PAK6: variants seen among roughly 807,000 people sequenced by gnomAD.
The protein encoded by PAK6 is serine/threonine-protein kinase PAK 6.
In PAK6, 33 loss-of-function variants were observed where a neutral mutation model predicts 60.8. The ratio of observed to expected loss-of-function variants is 0.54; its 90% CI spans 0.41 to 0.73. The LOEUF (loss-of-function observed/expected upper bound fraction) is 0.73, where lower values mean the gene tolerates loss of function less well. Among genes scored for constraint, PAK6 ranks in the 30% least tolerant of loss-of-function variants. PAK6 has a pLI of 0.00. For missense variants in PAK6, 845 were observed against 904.1 expected, an observed-to-expected ratio of 0.93 and a Z score of 0.84; for synonymous variants, 404 against 378.5, an observed-to-expected ratio of 1.07 and a Z score of -0.78.
intron 2 of PAK6, among the ~76,000 whole-genome samples, chr15:40,247,758 G>C (rs76685399): frequency 0.043 from 6,507 of 152,260 alleles, 247 homozygotes; most frequent in East Asian, 0.15. Flanking sequence ...GCTACCCCCT[G>C]GCGCTGGGCT....
chr15:40,252,580 C>T (rs753548560), intron 2 of PAK6: 1 of 1,358,540 alleles, frequency 7.4e-7, no homozygotes, highest in African/African-American at 1.5e-5. Context: ...GGCGCTGCAC[C>T]AACGTGTAAG....
rs17669605 is a variant in PAK6 at position 40,271,132 on chromosome 15, C to A, written c.859-1092C>A. ...TTCCTAGAAGGCTTTTTCTGCATCC[C>A]CTGAAGCATCCCTCTCCAGGTGCCC... On this transcript the variant is annotated intron_variant, in intron 5 of 10. Transcript: ENST00000560346. Among the ~76,000 whole-genome samples, 33 of 152,302 alleles carry A rather than the reference C, an allele frequency of 2.2e-4. 1 individual carries two copies. The East Asian group carries it at 6.2e-3, about 28-fold the overall frequency.
At chr15:40,261,122 T>C (rs1430258967) in intron 3 of PAK6, among the ~76,000 whole-genome samples, 2 of 151,780 alleles carry the variant, frequency 1.3e-5, no homozygotes, top group Admixed American at 6.6e-5. Flanking sequence ...TCTCCTGACC[T>C]CGTGATTCGC....
At chr15:40,271,950 G>A (rs1013631363) in intron 5 of PAK6, among the ~76,000 whole-genome samples, 4 of 152,208 alleles carry the variant, frequency 2.6e-5, no homozygotes, top group Non-Finnish European at 5.9e-5. Context: ...CGGGGAGCTG[G>A]CCTTCTCTGT....
At chr15:40,258,113 A>T (rs1337680924) in intron 3 of PAK6, among the ~76,000 whole-genome samples, 3 of 152,162 alleles carry the variant, frequency 2.0e-5, no homozygotes, top group Non-Finnish European at 2.9e-5. Context: ...TGCTGAGTGG[A>T]AAAACACCTG....
chr15:40,261,623 A>G (rs2038988448), intron 3 of PAK6, among the ~76,000 whole-genome samples: 1 of 152,090 alleles, frequency 6.6e-6, no homozygotes, highest in African/African-American at 2.4e-5. Context: ...ATTCTCCCGC[A>G]TTTTCTACTT....
chr15:40,277,460 TTTAAA>T (rs1348032982), exon 11 of PAK6: 1 of 152,508 alleles, frequency 6.6e-6, no homozygotes, highest in African/African-American at 2.4e-5. Flanking sequence ...TTGTGCCTGT[TTTAAA>T]TTAAATTGAG....
intron 2 of PAK6, among the ~76,000 whole-genome samples, chr15:40,248,419 G>A (rs543681887): frequency 1.1e-3 from 170 of 152,278 alleles, no homozygotes; most frequent in Middle Eastern, 6.8e-3. Context: ...AGTGGGCAGC[G>A]ACCCCTCTAG....
intron 3 of PAK6, among the ~76,000 whole-genome samples, chr15:40,258,279 G>C (rs1439670245): frequency 2.0e-5 from 3 of 152,218 alleles, no homozygotes; most frequent in Admixed American, 2.0e-4. Context: ...GCCCGTTTCT[G>C]TTCATAAAGA....
chr15:40,276,088 C>T, exon 11 of PAK6: 1 of 1,613,590 alleles, frequency 6.2e-7, no homozygotes, highest in Middle Eastern at 1.7e-4. Flanking sequence ...AGACCTCCAC[C>T]TGCTGAGCCC....
chr15:40,252,440 C>A, intron 2 of PAK6: 1 of 1,358,870 alleles, frequency 7.4e-7, no homozygotes. Flanking sequence ...AGCAGCACGG[C>A]GCCCCTCGGG....
intron 2 of PAK6, chr15:40,247,469 G>A (rs1324510180): frequency 6.6e-6 from 1 of 152,226 alleles, no homozygotes; most frequent in East Asian, 1.9e-4. Context: ...GCCTGCAATG[G>A]TCCCTGCATC....
At chr15:40,240,521 G>C (rs2038293799) in intron 1 of PAK6, 78 bp from the exon 2 acceptor site, 1 of 399,466 alleles carries the variant, frequency 2.5e-6, no homozygotes, top group Non-Finnish European at 4.9e-6. Flanking sequence ...GAGCCTTCAA[G>C]AGAAGAGGCT....
At chr15:40,274,098 G>C (rs1566858976) in intron 9 of PAK6, 44 bp from the exon 10 acceptor site, 7 of 1,611,368 alleles carry the variant, frequency 4.3e-6, no homozygotes, top group Non-Finnish European at 5.9e-6. Flanking sequence ...GCTACCAATG[G>C]GCCAGGGTCT....
At chr15:40,273,148 G>C (rs1482091253) in intron 7 of PAK6, 149 bp downstream of exon 7, 2 of 1,182,136 alleles carry the variant, frequency 1.7e-6, no homozygotes, top group African/African-American at 1.5e-5. Flanking sequence ...GGGGTCTTGG[G>C]AGTGGAGAAG....
exon 5 of PAK6, chr15:40,266,095 C>T: frequency 1.9e-6 from 3 of 1,609,708 alleles, no homozygotes; most frequent in East Asian, 2.2e-5. Flanking sequence ...GGCACACCAG[C>T]AGGCCACAAG....
At chr15:40,247,188 A>C (rs996440514) in intron 2 of PAK6, 72 of 152,378 alleles carry the variant, frequency 4.7e-4, no homozygotes, top group African/African-American at 1.6e-3. Context: ...AAGAGAGAAG[A>C]CAAGACAATG....
intron 2 of PAK6, chr15:40,252,456 G>C: frequency 7.3e-7 from 1 of 1,361,378 alleles, no homozygotes; most frequent in South Asian, 1.1e-5. Context: ...TCGGGCAGAG[G>C]GGCTCCTGGC....
chr15:40,246,873 G>A (rs1213064542), intron 2 of PAK6: 1 of 152,352 alleles, frequency 6.6e-6, no homozygotes, highest in Non-Finnish European at 1.5e-5. Flanking sequence ...CACAGACTCT[G>A]AGGCCAGCTA....
Sources: gnomAD v4.1 joint callset for allele counts (sites outside exome capture counted in the v4.1 genomes callset) on GRCh38, gnomAD v4.1.1 for gene constraint, MANE v1.5 for transcripts, NCBI Gene and HGNC (gene_info 2026-07-23, HGNC 2026-07-21) for gene names.